GLUL: variants seen among roughly 807,000 people sequenced by gnomAD.
GLUL encodes glutamine synthetase.
Under a neutral mutation model 36.9 loss-of-function variants are expected in GLUL, and 8 were observed. The observed-to-expected ratio is 0.22, with a 90% CI of 0.13 to 0.39. The LOEUF (loss-of-function observed/expected upper bound fraction) is 0.39. Among genes scored for constraint, GLUL ranks in the 10% least tolerant of loss-of-function variants. The probability of loss-of-function intolerance (pLI) is 1.00; values close to 1 mark genes in which losing one functional copy is unlikely to be tolerated. For missense variants in GLUL, 315 were observed against 501.8 expected (o/e 0.63, Z 3.56); for synonymous variants, 182 against 172.8 (o/e 1.05, Z -0.42).
rs781185381 is a variant in GLUL, at chr1:182,385,782, T to C, written c.581A>G (p.Asn194Ser). 4 of 1,614,182 alleles carry C rather than the reference T, an allele frequency of 2.5e-6. No individual in the cohort carries two copies. Among genetic ancestry groups the C allele is most frequent in the Non-Finnish European group, 3.4e-6 (4 of 1,180,028 alleles). ...LYAGVKIAGT[N>S]AEVMPAQWEF... ...TACCTGGGCAGGCATGACCTCGGCA[T>C]TAGTCCCCGCAATCTTGACTCCAGC... Residue 194 changes from asparagine to serine, a missense_variant, in exon 5 of 7, where the codon AAT (asparagine) becomes AGT (serine). This residue lies in a region of GLUL where 256 missense variants were observed against 396.1 expected (regional missense o/e 0.65). Coordinates refer to ENST00000331872, the MANE Select transcript of GLUL (RefSeq NM_001033044.4).
chr1:182,384,826 G>C, intron 6 of GLUL, 103 bp from the exon 7 acceptor site: 1 of 846,654 alleles, frequency 1.2e-6, no homozygotes, highest in Non-Finnish European at 2.0e-6. Flanking sequence ...TACTTCATGA[G>C]GGCAGTGGCT....
intron 5 of GLUL, 74 bp from the exon 6 acceptor site, chr1:182,385,630 T>A: frequency 1.3e-6 from 2 of 1,551,300 alleles, no homozygotes; most frequent in Non-Finnish European, 1.8e-6. Context: ...AAACCTGTTC[T>A]CTTCTCACCT....
At chr1:182,388,479 A>G (rs1472662858) in intron 2 of GLUL, 93 bp downstream of exon 2, 1 of 1,100,848 alleles carries the variant, frequency 9.1e-7, no homozygotes, top group Non-Finnish European at 1.4e-6. Flanking sequence ...AAACAGAAGA[A>G]AGAGGCCTAA....
intron 1 of GLUL, chr1:182,390,944 C>G (rs1219952832): frequency 2.5e-6 from 1 of 398,228 alleles, no homozygotes; most frequent in Non-Finnish European, 4.4e-6. Flanking sequence ...GCCCCTCGGG[C>G]CCCCGTCCGA....
In GLUL at chr1:182,386,818, C is replaced by T. The variant is rs527625286; in HGVS notation, c.328+313G>A. On this transcript the variant is annotated intron_variant, in intron 3 of 6. Transcript: ENST00000331872. ...GAGCCATTCTATAATTTTTGAGAAA[C>T]ATTTGTCCATTGGTTTACATTTGTC... 14 of 478,946 alleles carry T rather than the reference C, an allele frequency of 2.9e-5. No individual in the cohort carries two copies. In the East Asian group the frequency reaches 5.4e-4, roughly 18 times the overall value. The allele number at this position is 478,946 out of a possible 1,614,324, so 29.7% of individuals were successfully genotyped here.
intron 1 of GLUL, chr1:182,389,404 TA>T (rs1650315974): frequency 1.0e-5 from 1 of 96,978 alleles, no homozygotes. Flanking sequence ...GGTTACAATA[TA>T]TTTTTTTAGA....
chr1:182,391,073 T>C (rs980364032), intron 1 of GLUL: 1 of 398,306 alleles, frequency 2.5e-6, no homozygotes. Context: ...CCGGACCGGC[T>C]TCTCCACTGA....
chr1:182,390,846 A>G (rs905547373), intron 1 of GLUL: 3 of 399,088 alleles, frequency 7.5e-6, no homozygotes, highest in Non-Finnish European at 1.3e-5. Flanking sequence ...CTGGGGGAGG[A>G]TCCCCGCTTC....
Position 182,384,721 on chromosome 1 carries a change from T to C in GLUL, c.806A>G (p.Tyr269Cys), listed in dbSNP as rs755477338. ...KAMREENGLK[Y>C]IEEAIEKLSK... ...TAGTTTCTCAATGGCCTCCTCGATGTACCTAGAGTAAACAGAAAAGATGGC... is the reference window on the plus strand; with the variant it reads ...TAGTTTCTCAATGGCCTCCTCGATGCACCTAGAGTAAACAGAAAAGATGGC... Residue 269 changes from tyrosine (Y) to cysteine (C), a missense_variant and splice_region_variant, in exon 7 of 7, where the codon TAC becomes TGC. Transcript: ENST00000331872. The C allele has an allele frequency of 6.2e-7, 1 of 1,612,676 alleles. No individual in the cohort carries two copies. Among genetic ancestry groups the C allele is most frequent in the Admixed American group, 1.7e-5 (1 of 60,026 alleles).
In GLUL at chr1:182,382,539, T is replaced by A. The variant is rs954248930; in HGVS notation, c.*1866A>T. 3.9e-5 allele frequency: 6 copies of A among 152,208 alleles called. No individual in the cohort carries two copies. The highest frequency in any genetic ancestry group is 7.3e-5 in the Non-Finnish European group (5 of 68,054). 9.4% of individuals were successfully genotyped at this position (152,208 alleles called of 1,614,324 possible). ...TAGAAATCGTAAAGCCAGTTAATCTTACATTATGTTAGGCTATTGTATTAG... is the reference window on the plus strand; with the variant it reads ...TAGAAATCGTAAAGCCAGTTAATCTAACATTATGTTAGGCTATTGTATTAG... On this transcript the variant is annotated 3_prime_UTR_variant, in exon 7 of 7. Coordinates refer to ENST00000331872, the MANE Select transcript of GLUL (RefSeq NM_001033044.4).
At chr1:182,389,247 AAGTAAAATCCAGCCAC>A (rs1269636924) in intron 1 of GLUL, 1 of 171,596 alleles carries the variant, frequency 5.8e-6, no homozygotes, top group Non-Finnish European at 1.3e-5. Context: ...CTTCCAATAT[AAGTAAAATCCAGCCAC>A]AGAACAGGCT....
rs775437860 is a variant in GLUL, at chr1:182,385,565, G to A, written c.604-9C>T. On this transcript the variant is annotated splice_polypyrimidine_tract_variant and intron_variant, in intron 5 of 6. Coordinates refer to ENST00000331872, the MANE Select transcript of GLUL (RefSeq NM_001033044.4). ...CCAATCTGAAATTCCCACTAGAAAC[G>A]AGAAGCTTGGCCATTAAAACAAAGC... is the stretch of plus-strand genomic sequence containing the variant. 3.2e-5 allele frequency: 51 copies of A among 1,612,868 alleles called. No homozygotes were observed. Among genetic ancestry groups the A allele is most frequent in the South Asian group, 2.5e-4 (23 of 91,038 alleles).
rs545330600 is a variant in GLUL at position 182,378,230 on chromosome 1, G to T, written c.*6175C>A. On this transcript the variant is annotated 3_prime_UTR_variant, in exon 7 of 7. Transcript: ENST00000331872. Reference sequence around the variant, plus strand: ...CGCCGTACAGTGGAGGAAACACGCTGCAATCTCAAGACAATGCAGGTAACT... The same window carrying T: ...CGCCGTACAGTGGAGGAAACACGCTTCAATCTCAAGACAATGCAGGTAACT... Among the ~76,000 whole-genome samples, 71 of 152,292 alleles carry T rather than the reference G, an allele frequency of 4.7e-4. 1 individual carries two copies. Among genetic ancestry groups the T allele is most frequent in the Admixed American group, 2.3e-3 (35 of 15,290 alleles).
chr1:182,387,295 G>A lies in GLUL; in HGVS notation c.167-3C>T, dbSNP rs113454052. On this transcript the variant is annotated splice_polypyrimidine_tract_variant and splice_region_variant and intron_variant, in intron 2 of 6. Coordinates refer to ENST00000331872, the MANE Select transcript of GLUL (RefSeq NM_001033044.4). ...ATCGAAATTCCACTCAGGCAACTCT[G>A]GGGCAAAAAGAGGGAAAATTACATT... 8 of 1,610,444 alleles carry A rather than the reference G, an allele frequency of 5.0e-6. No homozygotes were observed. Among genetic ancestry groups the A allele is most frequent in the African/African-American group, 1.3e-5 (1 of 74,834 alleles).
chr1:182,389,086 A>G (rs994303723), intron 1 of GLUL: 14 of 356,898 alleles, frequency 3.9e-5, no homozygotes, highest in Non-Finnish European at 1.1e-5. Context: ...CAGCTACTGC[A>G]GAACCCAGGC....
chr1:182,386,047 C>T (rs1650166178), intron 4 of GLUL, 160 bp from the exon 5 acceptor site: 2 of 881,110 alleles, frequency 2.3e-6, no homozygotes, highest in East Asian at 4.9e-5. Context: ...TTCCTCTTCA[C>T]CACAGCTTCA....
chr1:182,384,052 T>C lies in GLUL; in HGVS notation c.*353A>G, dbSNP rs543656826. On this transcript the variant is annotated 3_prime_UTR_variant, in exon 7 of 7. Transcript: ENST00000331872. ...GTCAGGTCTTCCCCTTTCAGCTACC[T>C]GGAAGAAGAGACCCCCTTCTGCAAA... The C allele has an allele frequency of 5.3e-5, 17 of 318,966 alleles. No individual in the cohort carries two copies. The highest frequency in any genetic ancestry group is 9.8e-5 in the Non-Finnish European group (16 of 163,968). The allele number at this position is 318,966 out of a possible 1,614,324, so 19.8% of individuals were successfully genotyped here.
intron 5 of GLUL, 22 bp from the exon 6 acceptor site, chr1:182,385,578 A>T: frequency 6.2e-7 from 1 of 1,608,666 alleles, no homozygotes; most frequent in Non-Finnish European, 8.5e-7. Context: ...AAGCTTGGCC[A>T]TTAAAACAAA....
Position 182,380,608 on chromosome 1 carries a change from A to G in GLUL, c.*3797T>C, listed in dbSNP as rs1649894237. Among the ~76,000 whole-genome samples, 1 of 152,236 alleles carries G rather than the reference A, an allele frequency of 6.6e-6. No individual in the cohort carries two copies. The highest frequency in any genetic ancestry group is 1.5e-5 in the Non-Finnish European group (1 of 68,038). On this transcript the variant is annotated 3_prime_UTR_variant, in exon 7 of 7. Transcript: ENST00000331872. ...ACTTCACCTGGCCTTGATTCTTTTT[A>G]AGCTCAATAAAAATGGAACTTTGTC...
Sources: allele counts gnomAD v4.1 joint callset (sites outside exome capture counted in the v4.1 genomes callset), GRCh38; gene constraint gnomAD v4.1.1; regional missense constraint gnomAD v4.1.1; transcripts MANE v1.5; gene names NCBI Gene and HGNC (gene_info 2026-07-23, HGNC 2026-07-21).